IQCM: variants seen among roughly 807,000 people sequenced by gnomAD.
IQCM encodes IQ domain-containing protein M.
Under a neutral mutation model 57.6 loss-of-function variants are expected in IQCM, and 45 were observed. That is an observed-to-expected ratio of 0.78 (90% CI 0.62 to 1.00). The LOEUF is 1.00. Among genes scored for constraint, IQCM ranks in the 50% least tolerant of loss-of-function variants. IQCM has a pLI of 0.00. For synonymous variants in IQCM, 148 were observed against 158.9 expected (o/e 0.93, Z 0.51); for missense variants, 468 against 511.6 (o/e 0.91, Z 0.82).
intron 2 of IQCM, among the ~76,000 whole-genome samples, chr4:149,796,330 C>T (rs945422493): frequency 1.3e-5 from 2 of 152,140 alleles, no homozygotes; most frequent in African/African-American, 4.8e-5. Context: ...CCTCTCCCTT[C>T]GGAAAGGGGA....
chr4:149,813,979 G>C (rs181194026), intron 2 of IQCM, among the ~76,000 whole-genome samples: 162 of 152,126 alleles, frequency 1.1e-3, no homozygotes, highest in African/African-American at 3.6e-3. Context: ...AATTCATTAT[G>C]AGCATGCTGT....
At chr4:149,611,880 T>C (rs1755325562) in intron 8 of IQCM, among the ~76,000 whole-genome samples, 1 of 152,080 alleles carries the variant, frequency 6.6e-6, no homozygotes, top group South Asian at 2.1e-4. Context: ...ATACTTGAGA[T>C]TTGATAATTA....
chr4:149,356,071 G>A (rs1409344510), intron 13 of IQCM, among the ~76,000 whole-genome samples: 1 of 152,094 alleles, frequency 6.6e-6, no homozygotes, highest in African/African-American at 2.4e-5. Flanking sequence ...CATATCCTTT[G>A]CCCACTTTTT....
chr4:149,651,608 G>A (rs1759187188), intron 7 of IQCM, among the ~76,000 whole-genome samples: 1 of 151,864 alleles, frequency 6.6e-6, no homozygotes, highest in Admixed American at 6.6e-5. Context: ...TAACATACAA[G>A]GTGTACAAAA....
intron 12 of IQCM, among the ~76,000 whole-genome samples, chr4:149,490,410 G>C (rs1372642544): frequency 1.3e-5 from 2 of 151,878 alleles, no homozygotes; most frequent in South Asian, 2.1e-4. Context: ...CTCAAATATA[G>C]TTTATTGCCA....
chr4:149,555,284 T>C (rs1328599857), intron 10 of IQCM, among the ~76,000 whole-genome samples: 1 of 152,152 alleles, frequency 6.6e-6, no homozygotes, highest in African/African-American at 2.4e-5. Flanking sequence ...TACATATGAA[T>C]CTTAGTGGGA....
intron 12 of IQCM, among the ~76,000 whole-genome samples, chr4:149,546,688 T>C (rs1034092988): frequency 1.3e-5 from 2 of 152,220 alleles, no homozygotes; most frequent in Non-Finnish European, 1.5e-5. Flanking sequence ...TCTTGTAAGT[T>C]TGTTGGAGTT....
chr4:149,379,976 T>G (rs755633521), intron 13 of IQCM, among the ~76,000 whole-genome samples: 3 of 152,110 alleles, frequency 2.0e-5, no homozygotes, highest in Non-Finnish European at 4.4e-5. Flanking sequence ...TCTCATGAGA[T>G]CTGATGGTTT....
At chr4:149,622,800 C>T (rs867350417) in intron 7 of IQCM, among the ~76,000 whole-genome samples, 1 of 152,172 alleles carries the variant, frequency 6.6e-6, no homozygotes, top group Non-Finnish European at 1.5e-5. Flanking sequence ...TTCCCCAGCT[C>T]ATGGGCATTA....
chr4:149,627,621 G>A (rs1756925542), intron 7 of IQCM, among the ~76,000 whole-genome samples: 1 of 151,918 alleles, frequency 6.6e-6, no homozygotes, highest in Non-Finnish European at 1.5e-5. Flanking sequence ...GAGGTTGTGT[G>A]AACCCAGGTC....
intron 12 of IQCM, among the ~76,000 whole-genome samples, chr4:149,531,180 A>C (rs1450315330): frequency 6.6e-6 from 1 of 152,180 alleles, no homozygotes. Flanking sequence ...ATAAGATTCT[A>C]TGAAGAACTA....
At chr4:149,505,634 C>T (rs933185377) in intron 12 of IQCM, among the ~76,000 whole-genome samples, 1 of 152,202 alleles carries the variant, frequency 6.6e-6, no homozygotes, top group Non-Finnish European at 1.5e-5. Flanking sequence ...TGCTGACCTT[C>T]TCTTCTTTCA....
chr4:149,803,460 T>C (rs1773793655), intron 2 of IQCM, among the ~76,000 whole-genome samples: 1 of 151,990 alleles, frequency 6.6e-6, no homozygotes, highest in South Asian at 2.1e-4. Flanking sequence ...TTGACCATCT[T>C]CAGCCTACTA....
rs78437787 is a variant in IQCM at position 149,735,290 on chromosome 4, C to A, written c.120+86G>T. On this transcript the variant is annotated intron_variant, in intron 4 of 13. Transcript: ENST00000636793. ...CTCTTTTCTATTTATTCTATCATAT[C>A]TTAGGGTTTATGCAATCCTTTGGGA... 3.3e-3 allele frequency: 1,803 copies of A among 549,756 alleles called. 15 individuals carry two copies. The highest frequency in any genetic ancestry group is 0.031 in the African/African-American group (1,580 of 51,538). 34.1% of individuals were successfully genotyped at this position (549,756 alleles called of 1,614,324 possible). A position where few individuals can be genotyped will look rare whatever the true frequency, so the allele number is the denominator to read the frequency against.
chr4:149,566,563 C>A (rs988092485), intron 9 of IQCM, among the ~76,000 whole-genome samples: 3 of 151,878 alleles, frequency 2.0e-5, no homozygotes, highest in Non-Finnish European at 4.4e-5. Flanking sequence ...GAGACACAGA[C>A]AACAGAGGCA....
At chr4:149,665,133 G>A (rs755549197) in intron 7 of IQCM, among the ~76,000 whole-genome samples, 1 of 152,124 alleles carries the variant, frequency 6.6e-6, no homozygotes. Context: ...CTGGCCCCTG[G>A]GGTAGGACAC....
chr4:149,704,808 G>T (rs894897418), intron 5 of IQCM, among the ~76,000 whole-genome samples: 5 of 151,840 alleles, frequency 3.3e-5, no homozygotes, highest in Admixed American at 6.6e-5. Flanking sequence ...CGGTAGACTG[G>T]ATAAAGAAGA....
At chr4:149,641,680 A>G (rs1023482854) in intron 7 of IQCM, among the ~76,000 whole-genome samples, 1 of 152,180 alleles carries the variant, frequency 6.6e-6, no homozygotes, top group Non-Finnish European at 1.5e-5. Context: ...TTATTATATC[A>G]GAAAATGAAA....
At chr4:149,416,779 A>C (rs1733779426) in intron 13 of IQCM, among the ~76,000 whole-genome samples, 1 of 152,186 alleles carries the variant, frequency 6.6e-6, no homozygotes, top group Admixed American at 6.6e-5. Context: ...TGTGTGGAAT[A>C]CAGACCAGGT....
Sources: gnomAD v4.1 joint callset for allele counts (sites outside exome capture counted in the v4.1 genomes callset) on GRCh38, gnomAD v4.1.1 for gene constraint, MANE v1.5 for transcripts, NCBI Gene and HGNC (gene_info 2026-07-23, HGNC 2026-07-21) for gene names.